Variants in ZNF585B observed in about 807,000 individuals in gnomAD.
The protein encoded by ZNF585B is zinc finger protein 585B, also known as zinc finger protein 41-like protein.
Under a neutral mutation model 14.0 loss-of-function variants are expected in ZNF585B, and 7 were observed. The ratio of observed to expected loss-of-function variants is 0.50; its 90% CI spans 0.28 to 0.94. The LOEUF (loss-of-function observed/expected upper bound fraction) is 0.94. Ranked by LOEUF, ZNF585B falls within the 40% of genes least tolerant of loss-of-function variation. The pLI, the probability that ZNF585B is intolerant of heterozygous loss-of-function variation, is 0.09. For synonymous variants in ZNF585B, 290 were observed against 317.3 expected, an observed-to-expected ratio of 0.91 and a Z score of 0.91; for missense variants, 750 against 924.4, an observed-to-expected ratio of 0.81 and a Z score of 2.45.
chr19:37,199,872 C>A (rs1235592277), intron 2 of ZNF585B, among the ~76,000 whole-genome samples: 1 of 149,760 alleles, frequency 6.7e-6, no homozygotes, highest in Admixed American at 6.6e-5. Context: ...GGACAAACCC[C>A]GTCTCTACTA....
At chr19:37,191,529 A>G (rs1265576232) in intron 2 of ZNF585B, among the ~76,000 whole-genome samples, 2 of 151,824 alleles carry the variant, frequency 1.3e-5, no homozygotes, top group African/African-American at 2.4e-5. Flanking sequence ...GAGGAGGGAG[A>G]ATCACTTGAA....
intron 2 of ZNF585B, among the ~76,000 whole-genome samples, chr19:37,195,650 A>T (rs1972457800): frequency 2.7e-5 from 4 of 150,646 alleles, no homozygotes; most frequent in Admixed American, 1.3e-4. Flanking sequence ...TATAACTATT[A>T]AATTACATTC....
rs577549453 is a variant in ZNF585B, at chr19:37,206,952, G to T, written c.72+88C>A. 1.2e-3 allele frequency: 1,867 copies of T among 1,539,226 alleles called. 30 individuals carry two copies. In the South Asian group the frequency reaches 0.018, roughly 14 times the overall value. ...AGAGTCCAGCTGGTTCCTAAGGCCT[G>T]TCTGCCTCTGCCCTAAGGCTGTGGT... On this transcript the variant is annotated intron_variant, in intron 2 of 4. Coordinates refer to ENST00000532828, the MANE Select transcript of ZNF585B (RefSeq NM_152279.4).
chr19:37,193,005 C>T (rs1490586510), intron 2 of ZNF585B, among the ~76,000 whole-genome samples: 1 of 151,230 alleles, frequency 6.6e-6, no homozygotes, highest in Non-Finnish European at 1.5e-5. Flanking sequence ...CACAGTGGCA[C>T]ATGCCTGGAA....
At chr19:37,195,345 CAAAA>C (rs71177429) in intron 2 of ZNF585B, among the ~76,000 whole-genome samples, 3 of 14,282 alleles carry the variant, frequency 2.1e-4, no homozygotes, top group African/African-American at 4.5e-4. Flanking sequence ...GACTCTGACT[CAAAA>C]AAAAAAAAAA....
chr19:37,185,847 T>C lies in ZNF585B; in HGVS notation c.1690A>G (p.Ile564Val), dbSNP rs1432121122. ...TGAATTTTCTGATGAACAATGAGTA[T>C]TGATTTCTGGTTGAAGGCTTTCCCA... ...ECGKAFNQKS[I>V]LIVHQKIHTG... is the part of the protein sequence containing the mutation. Residue 564 changes from isoleucine to valine, a missense_variant, in exon 5 of 5, where the codon ATA becomes GTA. Ile to Val is a conservative substitution (Grantham distance 29). Transcript: ENST00000532828. 16 of 1,612,552 alleles carry C rather than the reference T, an allele frequency of 9.9e-6. No homozygotes were observed. Among genetic ancestry groups the C allele is most frequent in the Non-Finnish European group, 1.3e-5 (15 of 1,179,408 alleles).
chr19:37,208,685 A>C (rs1203330783), intron 1 of ZNF585B, among the ~76,000 whole-genome samples: 1 of 152,132 alleles, frequency 6.6e-6, no homozygotes. Flanking sequence ...ACTTAACTAA[A>C]AGAAAAACGC....
chr19:37,186,129 T>C lies in ZNF585B; in HGVS notation c.1408A>G (p.Lys470Glu). The change falls in exon 5 of 5, where the codon AAA becomes GAA. Residue 470 changes from lysine (K) to glutamate (E), a missense_variant. By Grantham distance (56) the Lys-to-Glu change is moderately conservative (BLOSUM62 1). Transcript: ENST00000532828. ...CGGTTGGTGAATGCCTTCCCACATTTATTGCATACATAGGGCTTTTCTCCT... is the reference window on the plus strand; with the variant it reads ...CGGTTGGTGAATGCCTTCCCACATTCATTGCATACATAGGGCTTTTCTCCT... ...HTGEKPYVCN[K>E]CGKAFTNRSN... 1.2e-6 allele frequency: 2 copies of C among 1,614,118 alleles called. No homozygotes were observed. Among genetic ancestry groups the C allele is most frequent in the Non-Finnish European group, 8.5e-7 (1 of 1,180,008 alleles).
chr19:37,196,951 A>G (rs1051357205), intron 2 of ZNF585B, among the ~76,000 whole-genome samples: 3 of 152,170 alleles, frequency 2.0e-5, no homozygotes, highest in Non-Finnish European at 4.4e-5. Flanking sequence ...TTGAAGGACA[A>G]CTGTGCTTAG....
At position 37,182,984 on chromosome 19, in the gene ZNF585B, G is replaced by C. The variant is rs1260317456; in HGVS notation, c.*2243C>G. ...GGCTTCAGGCACTCCTCTCGGGGCAGGATGAGCAGGTGTGTGGATTGGGTT... is the reference window on the plus strand; with the variant it reads ...GGCTTCAGGCACTCCTCTCGGGGCACGATGAGCAGGTGTGTGGATTGGGTT... On this transcript the variant is annotated 3_prime_UTR_variant, in exon 5 of 5. Transcript: ENST00000532828. The C allele has an allele frequency of 3.9e-5, 6 of 152,290 alleles. No individual in the cohort carries two copies. The highest frequency in any genetic ancestry group is 3.9e-4 in the Admixed American group (6 of 15,292). 9.4% of individuals were successfully genotyped at this position (152,290 alleles called of 1,614,324 possible). A position where few individuals can be genotyped will look rare whatever the true frequency, so the allele number is the denominator to read the frequency against.
chr19:37,184,093 C>T lies in ZNF585B; in HGVS notation c.*1134G>A, dbSNP rs1247019625. The stretch of plus-strand genomic sequence containing the variant: ...CTGTGCTGGGCCGGGCGCAGTGGCT[C>T]ACGTCCGTAATCCCAGGACTTTGGG... On this transcript the variant is annotated 3_prime_UTR_variant, in exon 5 of 5. Coordinates refer to ENST00000532828, the MANE Select transcript of ZNF585B (RefSeq NM_152279.4). 2 of 151,186 alleles carry T rather than the reference C, an allele frequency of 1.3e-5. No homozygotes were observed. The highest frequency in any genetic ancestry group is 4.9e-5 in the African/African-American group (2 of 41,064). The allele number at this position is 151,186 out of a possible 1,614,324, so 9.4% of individuals were successfully genotyped here.
chr19:37,186,117 C>T lies in ZNF585B; in HGVS notation c.1420G>A (p.Ala474Thr), dbSNP rs779335557. ...ATGAGATTTGACCGGTTGGTGAATGCCTTCCCACATTTATTGCATACATAG... is the reference window on the plus strand; with the variant it reads ...ATGAGATTTGACCGGTTGGTGAATGTCTTCCCACATTTATTGCATACATAG... Reference protein sequence around the residue: ...KPYVCNKCGKAFTNRSNLITH... With the variant: ...KPYVCNKCGKTFTNRSNLITH... Residue 474 changes from alanine to threonine, a missense_variant, in exon 5 of 5, where the codon GCA (alanine) becomes ACA (threonine). Coordinates refer to ENST00000532828, the MANE Select transcript of ZNF585B (RefSeq NM_152279.4). 6.2e-6 allele frequency: 10 copies of T among 1,614,068 alleles called. No individual in the cohort carries two copies. The South Asian group carries it at 9.9e-5, about 16-fold the overall frequency.
In ZNF585B at chr19:37,184,781, C is replaced by G; in HGVS notation, c.*446G>C. The G allele has an allele frequency of 2.5e-6, 1 of 397,804 alleles. No individual in the cohort carries two copies. The highest frequency in any genetic ancestry group is 4.5e-6 in the Non-Finnish European group (1 of 224,598). The allele number at this position is 397,804 out of a possible 1,614,324, so 24.6% of individuals were successfully genotyped here. A position where few individuals can be genotyped will look rare whatever the true frequency, so the allele number is the denominator to read the frequency against. ...AAAGAAGAAAATACCCACAATTCTACTAGACAGTGTGTTCTGGAACAAACA... is the reference window on the plus strand; with the variant it reads ...AAAGAAGAAAATACCCACAATTCTAGTAGACAGTGTGTTCTGGAACAAACA... On this transcript the variant is annotated 3_prime_UTR_variant, in exon 5 of 5. Transcript: ENST00000532828.
At chr19:37,189,546 C>A (rs1347803977) in intron 4 of ZNF585B, 115 bp downstream of exon 4, 3 of 1,147,702 alleles carry the variant, frequency 2.6e-6, no homozygotes, top group Non-Finnish European at 3.8e-6. Flanking sequence ...AAATTCAGAG[C>A]CTTACTGAAG....
At chr19:37,195,746 G>C (rs947988473) in intron 2 of ZNF585B, 1 of 151,178 alleles carries the variant, frequency 6.6e-6, no homozygotes, top group Non-Finnish European at 1.5e-5. Flanking sequence ...ATTAGTCTTG[G>C]CCGGGTGTGG....
In ZNF585B at chr19:37,190,162, C is replaced by T. The variant is rs755551847; in HGVS notation, c.73-12G>A. The stretch of plus-strand genomic sequence containing the variant: ...AAGGACACTGATCCCTGTAAGGGCA[C>T]ATTCCTGTTCAATGTGCATAGTCAG... On this transcript the variant is annotated splice_polypyrimidine_tract_variant and intron_variant, in intron 2 of 4. Transcript: ENST00000532828. 2.5e-6 allele frequency: 4 copies of T among 1,614,140 alleles called. No individual in the cohort carries two copies. The highest frequency in any genetic ancestry group is 2.5e-6 in the Non-Finnish European group (3 of 1,179,990).
At chr19:37,199,439 C>T (rs1243343238) in intron 2 of ZNF585B, 4 of 448,862 alleles carry the variant, frequency 8.9e-6, no homozygotes, top group South Asian at 4.7e-5. Context: ...GTGGGGGGAT[C>T]GATTGAACCT....
rs750056687 is a variant in ZNF585B, at chr19:37,187,098, C to T, written c.439G>A (p.Val147Ile). 2.0e-5 allele frequency: 33 copies of T among 1,613,992 alleles called. No individual in the cohort carries two copies. The highest frequency in any genetic ancestry group is 2.6e-5 in the Non-Finnish European group (31 of 1,180,024). Reference sequence around the variant, plus strand: ...TCTCCTGTAGGAACTTTCAGATGTACCTTGAACTGTGACTTCCAGGTGAAG... The same window carrying T: ...TCTCCTGTAGGAACTTTCAGATGTATCTTGAACTGTGACTTCCAGGTGAAG... ...KSFTWKSQFK[V>I]HLKVPTGEKL... Residue 147 changes from valine (V) to isoleucine (I), a missense_variant, in exon 5 of 5, where the codon GTA becomes ATA. Physicochemically the swap from Val to Ile is conservative, Grantham distance 29. Transcript: ENST00000532828.
At chr19:37,200,848 T>G (rs1261886896) in intron 2 of ZNF585B, among the ~76,000 whole-genome samples, 1 of 151,914 alleles carries the variant, frequency 6.6e-6, no homozygotes, top group African/African-American at 2.4e-5. Flanking sequence ...CCCAGCACTT[T>G]GGGAAGCTGA....
Sources: gnomAD v4.1 joint callset for allele counts (sites outside exome capture counted in the v4.1 genomes callset) on GRCh38, gnomAD v4.1.1 for gene constraint, MANE v1.5 for transcripts, NCBI Gene and HGNC (gene_info 2026-07-23, HGNC 2026-07-21) for gene names.